UNC13B: variants seen among roughly 807,000 people sequenced by gnomAD.
UNC13B encodes protein unc-13 homolog B.
A neutral mutation model predicts 211.0 loss-of-function variants in UNC13B; 144 were observed. That is an observed-to-expected ratio of 0.68 (90% confidence interval 0.60 to 0.78). The LOEUF (loss-of-function observed/expected upper bound fraction) is 0.78, where lower values mean the gene tolerates loss of function less well. Among genes scored for constraint, UNC13B ranks in the 30% least tolerant of loss-of-function variants. The pLI, the probability that UNC13B is intolerant of heterozygous loss-of-function variation, is 0.00. For missense variants in UNC13B, 1,777 were observed against 2,002.0 expected, an observed-to-expected ratio of 0.89 and a Z score of 2.14; for synonymous variants, 709 against 725.8, an observed-to-expected ratio of 0.98 and a Z score of 0.37.
chr9:35,221,814 A>G (rs1402643545), intron 1 of UNC13B, among the ~76,000 whole-genome samples: 1 of 152,182 alleles, frequency 6.6e-6, no homozygotes, highest in East Asian at 1.9e-4. Context: ...ACTCATTTCA[A>G]GTTTTGCATA....
chr9:35,218,694 G>C lies in UNC13B; in HGVS notation c.23-9321G>C, dbSNP rs376760238. ...TTATAGCCGTGAGCCACCGCGTCTG[G>C]TTAAGTGGTTAATTTAGAAATGTGC... On this transcript the variant is annotated intron_variant, in intron 1 of 39. Coordinates refer to ENST00000635942, the MANE Select transcript of UNC13B (RefSeq NM_001371189.2). Among the ~76,000 whole-genome samples the C allele has an allele frequency of 7.7e-4, 117 of 151,876 alleles. 2 individuals carry two copies. In the South Asian group the frequency reaches 0.019, roughly 25 times the overall value.
intron 20 of UNC13B, 117 bp downstream of exon 20, chr9:35,381,836 T>C: frequency 7.6e-7 from 1 of 1,318,984 alleles, no homozygotes; most frequent in Admixed American, 2.0e-5. Context: ...TCCTTTACTT[T>C]CCTCTCTGAG....
Position 35,303,938 on chromosome 9 carries a change from T to A in UNC13B, c.4534T>A (p.Trp1512Arg), listed in dbSNP as rs184558566. Residue 1512 changes from tryptophan (W) to arginine (R), a missense_variant, in exon 9 of 40, where the codon TGG becomes AGG. Transcript: ENST00000635942. ...FSSFGYEYQEWLSCLEHGVWW... is the reference protein window; with the variant it reads ...FSSFGYEYQERLSCLEHGVWW... ...AAGTTTTGGTTATGAGTACCAGGAATGGTTGTCATGTCTTGAACATGGAGT... is the reference window on the plus strand; with the variant it reads ...AAGTTTTGGTTATGAGTACCAGGAAAGGTTGTCATGTCTTGAACATGGAGT... 1.7e-4 allele frequency: 67 copies of A among 398,786 alleles called. 1 individual carries two copies. In the East Asian group the frequency reaches 2.1e-3, roughly 12 times the overall value. The allele number at this position is 398,786 out of a possible 1,614,324, so 24.7% of individuals were successfully genotyped here. A position where few individuals can be genotyped will look rare whatever the true frequency, so the allele number is the denominator to read the frequency against.
chr9:35,330,237 G>C (rs1004291116), intron 11 of UNC13B, among the ~76,000 whole-genome samples: 1 of 152,340 alleles, frequency 6.6e-6, no homozygotes, highest in East Asian at 1.9e-4. Context: ...TTGCTTAAAA[G>C]TCTCTAGCCA....
At chr9:35,364,810 C>T (rs1193308086) in intron 11 of UNC13B, among the ~76,000 whole-genome samples, 1 of 152,146 alleles carries the variant, frequency 6.6e-6, no homozygotes, top group Non-Finnish European at 1.5e-5. Flanking sequence ...GTGTGTGCAC[C>T]AGCATGGGTG....
At chr9:35,234,539 C>G (rs1471302283) in intron 3 of UNC13B, among the ~76,000 whole-genome samples, 2 of 152,154 alleles carry the variant, frequency 1.3e-5, no homozygotes, top group Non-Finnish European at 2.9e-5. Context: ...TGACAAAAAG[C>G]TTAGTTTCTC....
intron 1 of UNC13B, among the ~76,000 whole-genome samples, chr9:35,225,744 G>T (rs1015729313): frequency 6.6e-6 from 1 of 152,128 alleles, no homozygotes; most frequent in Non-Finnish European, 1.5e-5. Flanking sequence ...TGCCAGATGG[G>T]CTGGTCCTCT....
intron 11 of UNC13B, among the ~76,000 whole-genome samples, chr9:35,317,161 G>T (rs1830500598): frequency 6.6e-6 from 1 of 152,086 alleles, no homozygotes; most frequent in South Asian, 2.1e-4. Context: ...TGCAAACACT[G>T]GGAGTCTGTT....
At chr9:35,267,610 C>G (rs534673772) in intron 7 of UNC13B, among the ~76,000 whole-genome samples, 2 of 152,140 alleles carry the variant, frequency 1.3e-5, no homozygotes, top group Non-Finnish European at 2.9e-5. Context: ...CATTAGTTTT[C>G]CTAGGAGACA....
chr9:35,287,200 A>G (rs2131753703), intron 7 of UNC13B, among the ~76,000 whole-genome samples: 1 of 149,178 alleles, frequency 6.7e-6, no homozygotes, highest in African/African-American at 2.5e-5. Context: ...TGGCATGATC[A>G]CGGCTCACTG....
chr9:35,195,446 C>T (rs1160020923), intron 1 of UNC13B, among the ~76,000 whole-genome samples: 1 of 151,446 alleles, frequency 6.6e-6, no homozygotes, highest in Non-Finnish European at 1.5e-5. Context: ...ACCCAAAAAC[C>T]TTGGGCACAT....
intron 6 of UNC13B, among the ~76,000 whole-genome samples, chr9:35,251,433 A>G (rs1053144508): frequency 2.0e-5 from 3 of 152,146 alleles, no homozygotes; most frequent in Admixed American, 6.5e-5. Flanking sequence ...CTAAAAATAC[A>G]AAAATTAGCT....
At chr9:35,285,650 C>T (rs930218173) in intron 7 of UNC13B, among the ~76,000 whole-genome samples, 14 of 152,068 alleles carry the variant, frequency 9.2e-5, no homozygotes, top group African/African-American at 3.4e-4. Flanking sequence ...CAGCAATGAG[C>T]CATGATTGTC....
chr9:35,362,276 G>A (rs755535935), intron 11 of UNC13B, among the ~76,000 whole-genome samples: 1 of 152,200 alleles, frequency 6.6e-6, no homozygotes, highest in Non-Finnish European at 1.5e-5. Flanking sequence ...GAGATCCATT[G>A]TCTGGCTGGG....
chr9:35,275,385 T>C (rs915569414), intron 7 of UNC13B, among the ~76,000 whole-genome samples: 1 of 152,194 alleles, frequency 6.6e-6, no homozygotes, highest in Non-Finnish European at 1.5e-5. Context: ...ATACTTTGTA[T>C]AGGAGTTTTA....
intron 1 of UNC13B, among the ~76,000 whole-genome samples, chr9:35,162,811 G>A (rs1475426887): frequency 6.6e-6 from 1 of 152,218 alleles, no homozygotes; most frequent in Non-Finnish European, 1.5e-5. Context: ...TATAGGCTAA[G>A]ATTATTCTTC....
At chr9:35,311,067 TG>T (rs895440653) in intron 10 of UNC13B, among the ~76,000 whole-genome samples, 9 of 152,206 alleles carry the variant, frequency 5.9e-5, no homozygotes, top group African/African-American at 1.7e-4. Flanking sequence ...CTCAACAGCC[TG>T]GTCTCAAGCA....
intron 11 of UNC13B, among the ~76,000 whole-genome samples, chr9:35,336,215 C>G (rs1020853269): frequency 6.6e-6 from 1 of 152,110 alleles, no homozygotes. Context: ...ATATTGTCAC[C>G]TGAATGTTCA....
chr9:35,203,317 G>A (rs1174518325), intron 1 of UNC13B, among the ~76,000 whole-genome samples: 1 of 152,138 alleles, frequency 6.6e-6, no homozygotes, highest in Non-Finnish European at 1.5e-5. Context: ...TCCATGTTTA[G>A]TGCTTCCTTC....
Sources: allele counts gnomAD v4.1 joint callset (sites outside exome capture counted in the v4.1 genomes callset), GRCh38; gene constraint gnomAD v4.1.1; transcripts MANE v1.5; gene names NCBI Gene and HGNC (gene_info 2026-07-23, HGNC 2026-07-21).